WAC: variants seen among roughly 807,000 people sequenced by gnomAD.
WAC encodes WW domain-containing adapter protein with coiled-coil.
A neutral mutation model predicts 79.6 loss-of-function variants in WAC; 11 were observed. The ratio of observed to expected loss-of-function variants is 0.14; its 90% CI spans 0.09 to 0.23. The LOEUF (loss-of-function observed/expected upper bound fraction) is 0.23. Among genes scored for constraint, WAC ranks in the 10% least tolerant of loss-of-function variants. The pLI, the probability that WAC is intolerant of heterozygous loss-of-function variation, is 1.00. For synonymous variants in WAC, 304 were observed against 276.9 expected, an observed-to-expected ratio of 1.10 and a Z score of -0.97; for missense variants, 728 against 773.5, an observed-to-expected ratio of 0.94 and a Z score of 0.70.
At chr10:28,586,323 G>A (rs931547915) in intron 4 of WAC, among the ~76,000 whole-genome samples, 43 of 152,192 alleles carry the variant, frequency 2.8e-4, no homozygotes, top group African/African-American at 9.6e-4. Context: ...GGTGTTTACC[G>A]CAGAGCCTGG....
chr10:28,591,137 C>G lies in WAC; in HGVS notation c.610+305C>G, dbSNP rs1589212697. On this transcript the variant is annotated intron_variant, in intron 6 of 13. Coordinates refer to ENST00000354911, the MANE Select transcript of WAC (RefSeq NM_016628.5). ...ATCCCCCCAGACAGGAGCTTCCTCT[C>G]CCACCCTACCTGCCTGCCCTTAAGT... 19 of 280,588 alleles carry G rather than the reference C, an allele frequency of 6.8e-5. 1 individual carries two copies. The South Asian group carries it at 6.8e-4, about 10-fold the overall frequency. 17.4% of individuals were successfully genotyped at this position (280,588 alleles called of 1,614,324 possible). A position where few individuals can be genotyped will look rare whatever the true frequency, so the allele number is the denominator to read the frequency against.
chr10:28,543,942 TGCA>T (rs1188564992), intron 3 of WAC, among the ~76,000 whole-genome samples: 1 of 152,214 alleles, frequency 6.6e-6, no homozygotes, highest in Non-Finnish European at 1.5e-5. Context: ...CAGGCTGGAG[TGCA>T]GTGGCGCAAT....
rs1836596175 is a variant in WAC, at chr10:28,535,504, T to C, written c.79-58T>C. Reference sequence around the variant, plus strand: ...AATACACCAAAGTTTATGTTTAAATTAGGGAGTTTAAGGTTTCAATTCTTT... The same window carrying C: ...AATACACCAAAGTTTATGTTTAAATCAGGGAGTTTAAGGTTTCAATTCTTT... On this transcript the variant is annotated intron_variant, in intron 2 of 13. Coordinates refer to ENST00000354911, the MANE Select transcript of WAC (RefSeq NM_016628.5). 2.6e-5 allele frequency: 38 copies of C among 1,481,098 alleles called. 1 individual carries two copies. In the South Asian group the frequency reaches 5.2e-4, roughly 20 times the overall value. The allele number at this position is 1,481,098 out of a possible 1,614,324, so 91.7% of individuals were successfully genotyped here. A position where few individuals can be genotyped will look rare whatever the true frequency, so the allele number is the denominator to read the frequency against.
At chr10:28,576,562 TAAAAAAGAA>T (rs1839256067) in intron 3 of WAC, among the ~76,000 whole-genome samples, 1 of 152,194 alleles carries the variant, frequency 6.6e-6, no homozygotes, top group South Asian at 2.1e-4. Context: ...GGTTCATGTG[TAAAAAAGAA>T]TTAAGTTTTA....
chr10:28,593,823 A>C (rs1840221178), intron 6 of WAC, among the ~76,000 whole-genome samples: 1 of 152,134 alleles, frequency 6.6e-6, no homozygotes, highest in Admixed American at 6.5e-5. Context: ...ATTTGCGTTT[A>C]ACTGCTACTA....
At chr10:28,604,240 T>G (rs547174494) in intron 7 of WAC, among the ~76,000 whole-genome samples, 31 of 144,342 alleles carry the variant, frequency 2.1e-4, no homozygotes, top group African/African-American at 7.6e-4. Flanking sequence ...TATCAGGTGT[T>G]TTTTTTTTTT....
chr10:28,536,151 G>C (rs1278633301), intron 3 of WAC, among the ~76,000 whole-genome samples: 1 of 151,872 alleles, frequency 6.6e-6, no homozygotes, highest in Admixed American at 6.6e-5. Flanking sequence ...GGAAGCTAAG[G>C]TAGGAGAATC....
intron 12 of WAC, 42 bp downstream of exon 12, chr10:28,616,404 C>CA: frequency 1.4e-6 from 2 of 1,415,324 alleles, no homozygotes; most frequent in Non-Finnish European, 1.9e-6. Context: ...GGATGATTAG[C>CA]AAAACAGAAT....
intron 10 of WAC, 81 bp from the exon 11 acceptor site, chr10:28,614,486 T>G: frequency 1.7e-6 from 1 of 598,638 alleles, no homozygotes; most frequent in Non-Finnish European, 2.6e-6. Context: ...ATTTTACATG[T>G]TTCAAGACGA....
intron 13 of WAC, 77 bp from the exon 14 acceptor site, chr10:28,619,460 T>A (rs1291924060): frequency 6.3e-6 from 7 of 1,116,876 alleles, no homozygotes; most frequent in Admixed American, 3.4e-5. Context: ...ATTTAAAAAA[T>A]TTTAATTATA....
chr10:28,540,413 A>G (rs1416225987), intron 3 of WAC, among the ~76,000 whole-genome samples: 1 of 152,186 alleles, frequency 6.6e-6, no homozygotes, highest in Non-Finnish European at 1.5e-5. Context: ...TTATCCTGCT[A>G]ATATCTTCAC....
At chr10:28,591,028 G>T in intron 6 of WAC, 196 bp downstream of exon 6, 1 of 534,942 alleles carries the variant, frequency 1.9e-6, no homozygotes, top group Non-Finnish European at 3.3e-6. Context: ...GAGTAGTACA[G>T]GTATGTGTTT....
At chr10:28,551,242 A>G (rs1258416803) in intron 3 of WAC, among the ~76,000 whole-genome samples, 2 of 152,154 alleles carry the variant, frequency 1.3e-5, no homozygotes, top group Admixed American at 1.3e-4. Context: ...ATCCTTGAGA[A>G]TGGCTAATTG....
Position 28,611,920 on chromosome 10 carries a change from A to C in WAC, c.1435A>C (p.Lys479Gln). The C allele has an allele frequency of 6.2e-7, 1 of 1,611,462 alleles. No homozygotes were observed. Among genetic ancestry groups the C allele is most frequent in the South Asian group, 1.1e-5 (1 of 90,170 alleles). ...TACTCCTCCTGTTTCATCACAGCCA[A>C]AGGTATGTCACCTTTGAGGGACATT... The part of the protein sequence containing the change: ...ISTPPVSSQP[K>Q]VSTPVVKQGP... The change falls in exon 10 of 14, where the codon AAG becomes CAG. Residue 479 changes from lysine (K) to glutamine (Q), a missense_variant and splice_region_variant. Around this residue, in one of 3 missense-constraint regions of WAC, gnomAD observed 648 missense variants for 661.5 expected, o/e 0.98. Coordinates refer to ENST00000354911, the MANE Select transcript of WAC (RefSeq NM_016628.5).
intron 12 of WAC, 55 bp from the exon 13 acceptor site, chr10:28,617,602 A>G: frequency 6.9e-7 from 1 of 1,443,902 alleles, no homozygotes; most frequent in South Asian, 1.5e-5. Context: ...TTAATGTTTT[A>G]TTTTGTGTAT....
chr10:28,592,404 A>C (rs1291809438), intron 6 of WAC, among the ~76,000 whole-genome samples: 2 of 152,110 alleles, frequency 1.3e-5, no homozygotes, highest in Non-Finnish European at 2.9e-5. Flanking sequence ...CAGGCGGATC[A>C]CGAAGTCAAG....
At chr10:28,605,487 T>C (rs1251606390) in intron 7 of WAC, among the ~76,000 whole-genome samples, 1 of 152,194 alleles carries the variant, frequency 6.6e-6, no homozygotes, top group African/African-American at 2.4e-5. Flanking sequence ...AGAGAAGTTG[T>C]GGCCTTCAGA....
At chr10:28,589,126 A>G (rs1839969350) in intron 4 of WAC, 1 of 152,230 alleles carries the variant, frequency 6.6e-6, no homozygotes, top group Non-Finnish European at 1.5e-5. Flanking sequence ...ATTTTTAGTT[A>G]TGGGAAAAAG....
intron 3 of WAC, among the ~76,000 whole-genome samples, chr10:28,542,549 C>T (rs542194105): frequency 1.3e-5 from 2 of 152,286 alleles, no homozygotes; most frequent in Admixed American, 1.3e-4. Context: ...TTTACCTTGA[C>T]CAAAACCTGA....
Sources: allele counts gnomAD v4.1 joint callset (sites outside exome capture counted in the v4.1 genomes callset), GRCh38; gene constraint gnomAD v4.1.1; regional missense constraint gnomAD v4.1.1; transcripts MANE v1.5; gene names NCBI Gene and HGNC (gene_info 2026-07-23, HGNC 2026-07-21).